Variants in SART3 observed in about 807,000 individuals in gnomAD.
SART3 encodes the protein HIV-1 Tat-interacting protein of 110kDa.
A neutral mutation model predicts 122.3 loss-of-function variants in SART3; 44 were observed. That is an observed-to-expected ratio of 0.36 (90% CI 0.28 to 0.46). The LOEUF (loss-of-function observed/expected upper bound fraction) is 0.46, where lower values mean the gene tolerates loss of function less well. Among genes scored for constraint, SART3 ranks in the 20% least tolerant of loss-of-function variants. The probability of loss-of-function intolerance (pLI) is 1.00; values close to 1 mark genes in which losing one functional copy is unlikely to be tolerated. For synonymous variants in SART3, 442 were observed against 454.0 expected (o/e 0.97, Z 0.34); for missense variants, 1,101 against 1,229.0 (o/e 0.90, Z 1.56).
At chr12:108,531,368 A>G (rs1783288469) in intron 13 of SART3, 88 bp from the exon 14 acceptor site, 3 of 935,288 alleles carry the variant, frequency 3.2e-6, no homozygotes, top group Admixed American at 3.6e-5. Flanking sequence ...CTGTACCTCC[A>G]GAAGAGATCT....
At chr12:108,539,634 A>G (rs1257016958) in intron 6 of SART3, among the ~76,000 whole-genome samples, 1 of 152,214 alleles carries the variant, frequency 6.6e-6, no homozygotes, top group Non-Finnish European at 1.5e-5. Context: ...CTTATTCGAC[A>G]TGTTTTCTCT....
chr12:108,533,321 GCAC>G (rs1181667698), intron 12 of SART3, among the ~76,000 whole-genome samples: 1 of 149,544 alleles, frequency 6.7e-6, no homozygotes, highest in African/African-American at 2.5e-5. Context: ...TCTTTTTAAT[GCAC>G]TGTGTGATGA....
intron 1 of SART3, among the ~76,000 whole-genome samples, chr12:108,550,468 G>A (rs1332534436): frequency 6.6e-6 from 1 of 152,150 alleles, no homozygotes; most frequent in Non-Finnish European, 1.5e-5. Context: ...TCATTCAAGT[G>A]GTAAAACACG....
chr12:108,530,558 A>G (rs144165545), intron 14 of SART3, among the ~76,000 whole-genome samples: 19 of 152,276 alleles, frequency 1.2e-4, no homozygotes, highest in African/African-American at 4.6e-4. Context: ...AAGGAAGGCA[A>G]AAAAATCCAT....
chr12:108,536,669 A>G, intron 10 of SART3, 39 bp downstream of exon 10: 1 of 1,611,344 alleles, frequency 6.2e-7, no homozygotes, highest in Non-Finnish European at 8.5e-7. Flanking sequence ...CAGACAAGGA[A>G]ATACAACTGG....
rs781181915 is a variant in SART3 at position 108,549,209 on chromosome 12, A to G, written c.318T>C (p.Ser106=). 15 of 1,614,092 alleles carry G rather than the reference A, an allele frequency of 9.3e-6. No homozygotes were observed. Among genetic ancestry groups the G allele is most frequent in the Admixed American group, 5.0e-5 (3 of 60,006 alleles). Residue 106 remains serine (S), a synonymous_variant, in exon 2 of 19, where the codon TCT becomes TCC. Transcript: ENST00000546815. ...GGCAGTTGTAGTCATAGACGTTGAT[A>G]GACAACTAACAGGAAAAGAAACAAG... ...LEIERLEEQL[S]INVYDYNCHV... is the part of the protein sequence containing the mutation.
chr12:108,547,994 A>C lies in SART3; in HGVS notation c.440-3T>G, dbSNP rs767977527. On this transcript the variant is annotated splice_polypyrimidine_tract_variant and splice_region_variant and intron_variant, in intron 2 of 18. Transcript: ENST00000546815. The stretch of plus-strand genomic sequence containing the variant: ...ATGCAGCCACTCCAGCCAGAGCTCT[A>C]CGAGACAAAAATACTTCCCGCATTA... The C allele has an allele frequency of 6.2e-7, 1 of 1,612,176 alleles. No individual in the cohort carries two copies. Among genetic ancestry groups the C allele is most frequent in the Admixed American group, 1.7e-5 (1 of 60,020 alleles).
intron 8 of SART3, 137 bp from the exon 9 acceptor site, chr12:108,537,732 G>A: frequency 1.3e-6 from 1 of 762,030 alleles, no homozygotes; most frequent in South Asian, 1.5e-5. Flanking sequence ...AGCTAGACAG[G>A]AATGTTGAAG....
Position 108,535,448 on chromosome 12 carries a change from C to T in SART3, c.1467G>A (p.Met489Ile). Residue 489 changes from methionine to isoleucine, a missense_variant, in exon 12 of 19, where the codon ATG becomes ATA. Met to Ile is a conservative substitution (Grantham distance 10). This residue lies in a region of SART3 where 885 missense variants were observed against 1,080.1 expected (regional missense o/e 0.82). Coordinates refer to ENST00000546815, the MANE Select transcript of SART3 (RefSeq NM_014706.4). ...ARIEARLCNN[M>I]QKARELWDSI... is the part of the protein sequence containing the mutation. ...TATCCCAGAGTTCCCGAGCTTTCTGCATGTTATTGCACAGTCGAGCCTAAA... is the reference window on the plus strand; with the variant it reads ...TATCCCAGAGTTCCCGAGCTTTCTGTATGTTATTGCACAGTCGAGCCTAAA... The T allele has an allele frequency of 6.2e-7, 1 of 1,614,120 alleles. No homozygotes were observed. The highest frequency in any genetic ancestry group is 8.5e-7 in the Non-Finnish European group (1 of 1,180,002).
At chr12:108,528,927 G>C (rs1872523695) in intron 15 of SART3, among the ~76,000 whole-genome samples, 1 of 152,150 alleles carries the variant, frequency 6.6e-6, no homozygotes. Flanking sequence ...TTCAAGACCA[G>C]CCTGGCCAAC....
In SART3 at chr12:108,560,867, C is replaced by A. The variant is rs2030501305; in HGVS notation, c.288G>T (p.Leu96=). Residue 96 remains leucine, a synonymous_variant, in exon 1 of 19, where the codon CTG becomes CTT. Coordinates refer to ENST00000546815, the MANE Select transcript of SART3 (RefSeq NM_014706.4). The part of the protein sequence containing the change: ...EYDEEEEKNQ[L]EIERLEEQLS... ...CCTGCTCCTCCAGTCTCTCAATCTCCAGCTGGTTTTTCTCCTCCTCTTCGT... is the reference window on the plus strand; with the variant it reads ...CCTGCTCCTCCAGTCTCTCAATCTCAAGCTGGTTTTTCTCCTCCTCTTCGT... 2.5e-6 allele frequency: 4 copies of A among 1,601,370 alleles called. No homozygotes were observed. The South Asian group carries it at 4.5e-5, about 18-fold the overall frequency.
Position 108,537,599 on chromosome 12 carries a change from G to A in SART3, c.1202-4C>T. ...TTCAAAGCTTTCTCGAAGGTTACTGGAGTTGGAGAAAAGTCAGGATTTGTT... is the reference window on the plus strand; with the variant it reads ...TTCAAAGCTTTCTCGAAGGTTACTGAAGTTGGAGAAAAGTCAGGATTTGTT... On this transcript the variant is annotated splice_region_variant and splice_polypyrimidine_tract_variant and intron_variant, in intron 8 of 18. Coordinates refer to ENST00000546815, the MANE Select transcript of SART3 (RefSeq NM_014706.4). The A allele has an allele frequency of 6.2e-7, 1 of 1,612,540 alleles. No individual in the cohort carries two copies. Among genetic ancestry groups the A allele is most frequent in the Non-Finnish European group, 8.5e-7 (1 of 1,178,642 alleles).
At chr12:108,530,428 AG>A in intron 14 of SART3, 118 bp from the exon 15 acceptor site, 1 of 1,187,678 alleles carries the variant, frequency 8.4e-7, no homozygotes, top group Non-Finnish European at 1.2e-6. Flanking sequence ...AGAGATCAGG[AG>A]AAAAACGTGG....
chr12:108,544,623 G>C (rs1873319694), intron 4 of SART3, 145 bp from the exon 5 acceptor site: 4 of 1,127,248 alleles, frequency 3.5e-6, no homozygotes, highest in Non-Finnish European at 4.0e-6. Context: ...CTGGAGTGTG[G>C]TGGTGTGATC....
chr12:108,542,988 T>C (rs765454068), intron 6 of SART3, 40 bp downstream of exon 6: 34 of 1,613,746 alleles, frequency 2.1e-5, no homozygotes, highest in East Asian at 2.2e-5. Context: ...AGGGAAAGGT[T>C]TGTAGAGAGA....
intron 6 of SART3, chr12:108,542,669 G>A: frequency 5.7e-6 from 2 of 348,050 alleles, no homozygotes; most frequent in South Asian, 4.7e-5. Flanking sequence ...TCAAAAGCAA[G>A]CAAAATTAAA....
chr12:108,542,832 G>A lies in SART3; in HGVS notation c.906+196C>T, dbSNP rs1208124044. 3 of 752,884 alleles carry A rather than the reference G, an allele frequency of 4.0e-6. No homozygotes were observed. The South Asian group carries it at 4.4e-5, about 11-fold the overall frequency. 46.6% of individuals were successfully genotyped at this position (752,884 alleles called of 1,614,324 possible). A position where few individuals can be genotyped will look rare whatever the true frequency, so the allele number is the denominator to read the frequency against. On this transcript the variant is annotated intron_variant, in intron 6 of 18. Transcript: ENST00000546815. ...CACATAGGAGACTTCTAAGGTACTG[G>A]CAATGTTCTATTTCTTAACCTGGGT...
intron 8 of SART3, 105 bp downstream of exon 8, chr12:108,537,960 C>T: frequency 1.4e-6 from 2 of 1,481,080 alleles, no homozygotes; most frequent in Non-Finnish European, 1.9e-6. Flanking sequence ...CACTCCATAA[C>T]CCAAAGAAAA....
intron 3 of SART3, among the ~76,000 whole-genome samples, chr12:108,547,011 G>C (rs2136686583): frequency 6.6e-6 from 1 of 152,260 alleles, no homozygotes; most frequent in South Asian, 2.1e-4. Flanking sequence ...GCAGAGACGG[G>C]GTTTTGCCAT....
Sources: gnomAD v4.1 joint callset for allele counts (sites outside exome capture counted in the v4.1 genomes callset) on GRCh38, gnomAD v4.1.1 for gene constraint, gnomAD v4.1.1 regional missense constraint, MANE v1.5 for transcripts, NCBI Gene and HGNC (gene_info 2026-07-23, HGNC 2026-07-21) for gene names.